The following CARHSP1 variants were observed in gnomAD, a reference collection of about 807,000 sequenced individuals.
CARHSP1 encodes the protein calcium regulated heat stable protein 1, also known as calcium-regulated heat-stable protein 1.
In CARHSP1, 14 loss-of-function variants were observed where a neutral mutation model predicts 12.5. The observed-to-expected ratio is 1.12, with a 90% confidence interval of 0.74 to 1.75. The LOEUF is 1.75. Among genes scored for constraint, CARHSP1 ranks in the 40% most tolerant of loss-of-function variants. The pLI is 0.00. For missense variants in CARHSP1, 343 were observed against 201.6 expected, an observed-to-expected ratio of 1.70 and a Z score of -4.25; for synonymous variants, 161 against 82.0, an observed-to-expected ratio of 1.96 and a Z score of -5.20.
At position 8,858,489 on chromosome 16, in the gene CARHSP1, A is replaced by G. The variant is rs199843045; in HGVS notation, c.159-17T>C. 3 of 1,612,342 alleles carry G rather than the reference A, an allele frequency of 1.9e-6. No homozygotes were observed. Among genetic ancestry groups the G allele is most frequent in the Non-Finnish European group, 2.5e-6 (3 of 1,179,726 alleles). On this transcript the variant is annotated splice_polypyrimidine_tract_variant and intron_variant, in intron 2 of 3. Coordinates refer to ENST00000311052, the MANE Select transcript of CARHSP1 (RefSeq NM_014316.4). Reference sequence around the variant, plus strand: ...CGCACCGTCCTGACAGAGAGGGGGAAATGTCAGGGGCCCCATCAGCGCTCC... The same window carrying G: ...CGCACCGTCCTGACAGAGAGGGGGAGATGTCAGGGGCCCCATCAGCGCTCC...
rs865993236 is a variant in CARHSP1, at chr16:8,862,202, G to A, written c.-7-2867C>T. 3.3e-5 allele frequency among the ~76,000 whole-genome samples: 5 copies of A among 151,684 alleles called. No individual in the cohort carries two copies. In the South Asian group the frequency reaches 1.0e-3, roughly 32 times the overall value. On this transcript the variant is annotated intron_variant, in intron 1 of 3. Coordinates refer to ENST00000311052, the MANE Select transcript of CARHSP1 (RefSeq NM_014316.4). ...TAGCTGACTTCTAATCCTACCCCTT[G>A]CCTGCTGTGTGGTCTTGTACAAGTT... is the stretch of plus-strand genomic sequence containing the variant.
intron 1 of CARHSP1, among the ~76,000 whole-genome samples, chr16:8,865,244 G>T (rs1480849969): frequency 6.6e-6 from 1 of 152,122 alleles, no homozygotes; most frequent in Non-Finnish European, 1.5e-5. Context: ...CGAGTAGCTG[G>T]GACTACAGGC....
intron 3 of CARHSP1, among the ~76,000 whole-genome samples, chr16:8,855,724 G>C (rs2061080431): frequency 1.3e-5 from 2 of 152,208 alleles, no homozygotes; most frequent in Admixed American, 6.5e-5. Flanking sequence ...GTTGAGGGGT[G>C]GCCTGGGCAG....
At chr16:8,861,989 C>CTTCTTTTTTTTT (rs2061369426) in intron 1 of CARHSP1, among the ~76,000 whole-genome samples, 1 of 79,772 alleles carries the variant, frequency 1.3e-5, no homozygotes, top group Non-Finnish European at 2.6e-5. Flanking sequence ...GCATAGCTGA[C>CTTCTTTTTTTTT]TTTTTTTTTT....
intron 1 of CARHSP1, chr16:8,861,580 A>G (rs2061356347): frequency 3.1e-6 from 4 of 1,275,208 alleles, no homozygotes; most frequent in South Asian, 2.5e-5. Context: ...CTCCCCAGAC[A>G]TTGCTGCACT....
intron 2 of CARHSP1, 152 bp from the exon 3 acceptor site, chr16:8,858,624 C>A: frequency 2.2e-6 from 2 of 908,694 alleles, no homozygotes; most frequent in Middle Eastern, 3.5e-4. Context: ...ACCCTCAACC[C>A]TGGGAGCCGC....
rs1192876367 is a variant in CARHSP1 at position 8,853,065 on chromosome 16, C to G, written c.*2099G>C. 1 of 152,156 alleles carries G rather than the reference C, an allele frequency of 6.6e-6. No homozygotes were observed. The highest frequency in any genetic ancestry group is 1.9e-4 in the East Asian group (1 of 5,186). The allele number at this position is 152,156 out of a possible 1,614,324, so 9.4% of individuals were successfully genotyped here. Reference sequence around the variant, plus strand: ...CAAAACCCTCCGTCCCTCCCAGAGCCTCGAGGAGTTTCCCCTTGTGTAAAC... The same window carrying G: ...CAAAACCCTCCGTCCCTCCCAGAGCGTCGAGGAGTTTCCCCTTGTGTAAAC... On this transcript the variant is annotated 3_prime_UTR_variant, in exon 4 of 4. Coordinates refer to ENST00000311052, the MANE Select transcript of CARHSP1 (RefSeq NM_014316.4).
chr16:8,855,148 G>C lies in CARHSP1; in HGVS notation c.*16C>G, dbSNP rs772063723. On this transcript the variant is annotated 3_prime_UTR_variant, in exon 4 of 4. Coordinates refer to ENST00000311052, the MANE Select transcript of CARHSP1 (RefSeq NM_014316.4). ...GTCTCCCACAAGCACAGGACAAGGG[G>C]TGCTTCCACCATCTCCTAGGAGCTG... 2 of 1,565,722 alleles carry C rather than the reference G, an allele frequency of 1.3e-6. No homozygotes were observed. The highest frequency in any genetic ancestry group is 1.8e-5 in the Admixed American group (1 of 55,696).
intron 1 of CARHSP1, among the ~76,000 whole-genome samples, chr16:8,864,184 A>G (rs1443188334): frequency 6.6e-6 from 1 of 152,168 alleles, no homozygotes; most frequent in Non-Finnish European, 1.5e-5. Context: ...CTGTGTATAT[A>G]CGCATGTGTA....
At position 8,853,598 on chromosome 16, in the gene CARHSP1, T is replaced by C. The variant is rs984562956; in HGVS notation, c.*1566A>G. 16 of 152,266 alleles carry C rather than the reference T, an allele frequency of 1.1e-4. No homozygotes were observed. The highest frequency in any genetic ancestry group is 3.9e-4 in the African/African-American group (16 of 41,470). The allele number at this position is 152,266 out of a possible 1,614,324, so 9.4% of individuals were successfully genotyped here. ...GCTGTTCATGCTTCCAGCATCAAAC[T>C]GGACGTTTACTGTCTGCCCAAAAGC... On this transcript the variant is annotated 3_prime_UTR_variant, in exon 4 of 4. Coordinates refer to ENST00000311052, the MANE Select transcript of CARHSP1 (RefSeq NM_014316.4).
intron 2 of CARHSP1, 119 bp from the exon 3 acceptor site, chr16:8,858,591 TCA>T (rs1252861622): frequency 2.4e-6 from 3 of 1,256,482 alleles, no homozygotes; most frequent in Non-Finnish European, 3.3e-6. Flanking sequence ...CCATGTACAG[TCA>T]CACAGGCTGA....
At chr16:8,857,362 A>AACCTCC (rs1343922072) in intron 3 of CARHSP1, 1 of 129,014 alleles carries the variant, frequency 7.8e-6, no homozygotes, top group Non-Finnish European at 1.6e-5. Flanking sequence ...GGCTCACCAT[A>AACCTCC]ACCTCCACCT....
At chr16:8,855,881 G>A (rs553848592) in intron 3 of CARHSP1, among the ~76,000 whole-genome samples, 70 of 152,266 alleles carry the variant, frequency 4.6e-4, no homozygotes, top group African/African-American at 1.4e-3. Flanking sequence ...GGAGTGCAGT[G>A]GTGTGATCTC....
intron 3 of CARHSP1, among the ~76,000 whole-genome samples, chr16:8,856,052 A>G (rs1596523110): frequency 6.6e-6 from 1 of 152,158 alleles, no homozygotes; most frequent in Non-Finnish European, 1.5e-5. Flanking sequence ...TAAGTGAGCC[A>G]CCTGCCTCAG....
chr16:8,866,666 C>CG (rs544753783), intron 1 of CARHSP1, among the ~76,000 whole-genome samples: 3 of 107,184 alleles, frequency 2.8e-5, no homozygotes, highest in East Asian at 3.1e-4. Context: ...CCGGGGAGAG[C>CG]GGGGGGTCTG....
At chr16:8,858,203 T>G (rs1194468858) in intron 3 of CARHSP1, 147 bp downstream of exon 3, 28 of 943,970 alleles carry the variant, frequency 3.0e-5, no homozygotes, top group Non-Finnish European at 4.0e-5. Context: ...GGAGCACAGC[T>G]GGAGCACCAG....
chr16:8,854,141 G>T lies in CARHSP1; in HGVS notation c.*1023C>A, dbSNP rs767933669. 3 of 151,838 alleles carry T rather than the reference G, an allele frequency of 2.0e-5. No homozygotes were observed. The highest frequency in any genetic ancestry group is 4.4e-5 in the Non-Finnish European group (3 of 67,976). 9.4% of individuals were successfully genotyped at this position (151,838 alleles called of 1,614,324 possible). A position where few individuals can be genotyped will look rare whatever the true frequency, so the allele number is the denominator to read the frequency against. On this transcript the variant is annotated 3_prime_UTR_variant, in exon 4 of 4. Transcript: ENST00000311052. ...CAAAGTGCAAACAGAGCCGGCTCTGGGTGAAAGCTTTAGTTATGAAAAATA... is the reference window on the plus strand; with the variant it reads ...CAAAGTGCAAACAGAGCCGGCTCTGTGTGAAAGCTTTAGTTATGAAAAATA...
In CARHSP1 at chr16:8,853,271, G is replaced by T. The variant is rs9953; in HGVS notation, c.*1893C>A. The T allele has an allele frequency of 0.51, 78,112 of 151,744 alleles. 20,683 individuals carry two copies. Among genetic ancestry groups the T allele is most frequent in the African/African-American group, 0.63 (26,099 of 41,272 alleles). 9.4% of individuals were successfully genotyped at this position (151,744 alleles called of 1,614,324 possible). A position where few individuals can be genotyped will look rare whatever the true frequency, so the allele number is the denominator to read the frequency against. On this transcript the variant is annotated 3_prime_UTR_variant, in exon 4 of 4. Coordinates refer to ENST00000311052, the MANE Select transcript of CARHSP1 (RefSeq NM_014316.4). The stretch of plus-strand genomic sequence containing the variant: ...GTGAAAGCCCTCTCGGGTCTTGGCT[G>T]TGGAAGTGTGGACTGTACCAGCAGA...
chr16:8,858,973 G>GGTTCTT (rs1390445480), intron 2 of CARHSP1, 198 bp downstream of exon 2: 3 of 500,394 alleles, frequency 6.0e-6, no homozygotes, highest in African/African-American at 1.9e-5. Context: ...GCTGGTAACA[G>GGTTCTT]GTTCTTCTGG....
Sources: allele counts gnomAD v4.1 joint callset (sites outside exome capture counted in the v4.1 genomes callset), GRCh38; gene constraint gnomAD v4.1.1; transcripts MANE v1.5; gene names NCBI Gene and HGNC (gene_info 2026-07-23, HGNC 2026-07-21).